The following AKAP6 variants were observed in gnomAD, a reference collection of about 807,000 sequenced individuals.
The protein encoded by AKAP6 is A-kinase anchor protein 6.
AKAP6 carries 58 observed loss-of-function variants against 188.5 expected under a neutral mutation model. That is an observed-to-expected ratio of 0.31 (90% confidence interval 0.25 to 0.38). AKAP6 has a LOEUF of 0.38. Ranked by LOEUF, AKAP6 falls within the 10% of genes least tolerant of loss-of-function variation. The pLI is 1.00. For synonymous variants in AKAP6, 989 were observed against 998.6 expected, an observed-to-expected ratio of 0.99 and a Z score of 0.18; for missense variants, 2,710 against 2,740.0, an observed-to-expected ratio of 0.99 and a Z score of 0.24.
chr14:32,761,561 T>G (rs2032538993), intron 11 of AKAP6, among the ~76,000 whole-genome samples: 1 of 152,098 alleles, frequency 6.6e-6, no homozygotes, highest in South Asian at 2.1e-4. Flanking sequence ...GTTGAGCAAG[T>G]CATGAAACTA....
chr14:32,431,945 C>G (rs1457012026), intron 1 of AKAP6, among the ~76,000 whole-genome samples: 1 of 152,140 alleles, frequency 6.6e-6, no homozygotes, highest in African/African-American at 2.4e-5. Flanking sequence ...GTCAACTCAA[C>G]AAGTCTTTTT....
rs568726293 is a variant in AKAP6 at position 32,618,344 on chromosome 14, G to A, written c.2730+17552G>A. The stretch of plus-strand genomic sequence containing the variant: ...TGTAGTTCTTTTATCCTTCTCCTTC[G>A]TCCTACCCTCCCTGCTTCTGAGTCG... On this transcript the variant is annotated intron_variant, in intron 7 of 13. Coordinates refer to ENST00000280979, the MANE Select transcript of AKAP6 (RefSeq NM_004274.5). Among the ~76,000 whole-genome samples the A allele has an allele frequency of 8.6e-5, 13 of 152,036 alleles. No homozygotes were observed. The South Asian group carries it at 2.1e-3, about 24-fold the overall frequency.
intron 2 of AKAP6, among the ~76,000 whole-genome samples, chr14:32,450,694 A>G (rs2138774406): frequency 6.6e-6 from 1 of 152,274 alleles, no homozygotes; most frequent in African/African-American, 2.4e-5. Context: ...AGAGTAACAG[A>G]TTTGGATGTA....
intron 2 of AKAP6, among the ~76,000 whole-genome samples, chr14:32,529,021 C>T (rs1396037106): frequency 6.6e-6 from 1 of 152,094 alleles, no homozygotes; most frequent in Non-Finnish European, 1.5e-5. Context: ...TATAAAATAA[C>T]TTTCTGGGTT....
rs1447067786 is a variant in AKAP6, at chr14:32,596,546, T to C, written c.2470-2864T>C. Reference sequence around the variant, plus strand: ...ATTCATCTACGTGCTGCTTTAAAGATGCTAAAAAAGACCTGGTGTCATCCA... The same window carrying C: ...ATTCATCTACGTGCTGCTTTAAAGACGCTAAAAAAGACCTGGTGTCATCCA... On this transcript the variant is annotated intron_variant, in intron 5 of 13. Transcript: ENST00000280979. Among the ~76,000 whole-genome samples, 2 of 152,204 alleles carry C rather than the reference T, an allele frequency of 1.3e-5. 1 individual carries two copies. The highest frequency in any genetic ancestry group is 1.3e-4 in the Admixed American group (2 of 15,278).
intron 2 of AKAP6, among the ~76,000 whole-genome samples, chr14:32,483,068 CA>C (rs1879448995): frequency 1.3e-5 from 2 of 151,280 alleles, no homozygotes; most frequent in African/African-American, 2.4e-5. Flanking sequence ...TGTAATCTTA[CA>C]CTAATTTACA....
At chr14:32,457,531 CTT>C (rs1186002971) in intron 2 of AKAP6, among the ~76,000 whole-genome samples, 4 of 152,116 alleles carry the variant, frequency 2.6e-5, no homozygotes, top group Non-Finnish European at 5.9e-5. Context: ...AAAAAAAAAT[CTT>C]AACCTTCTTG....
rs1364207157 is a variant in AKAP6 at position 32,835,009 on chromosome 14, T to C, written c.*5204T>C. 1 of 152,242 alleles carries C rather than the reference T, an allele frequency of 6.6e-6. No individual in the cohort carries two copies. The highest frequency in any genetic ancestry group is 1.9e-4 in the East Asian group (1 of 5,204). 9.4% of individuals were successfully genotyped at this position (152,242 alleles called of 1,614,324 possible). On this transcript the variant is annotated 3_prime_UTR_variant, in exon 14 of 14. Coordinates refer to ENST00000280979, the MANE Select transcript of AKAP6 (RefSeq NM_004274.5). ...AAATCATATGAAATTTAAATTTTGG[T>C]GTCCATGTATAAAGTTTTATTAGAA... is the stretch of plus-strand genomic sequence containing the variant.
chr14:32,787,038 G>A (rs2033443517), intron 12 of AKAP6, among the ~76,000 whole-genome samples: 1 of 152,176 alleles, frequency 6.6e-6, no homozygotes, highest in South Asian at 2.1e-4. Context: ...CACGATAAAT[G>A]GGATGGCCCC....
At chr14:32,379,310 A>G (rs1888267003) in intron 1 of AKAP6, among the ~76,000 whole-genome samples, 1 of 152,222 alleles carries the variant, frequency 6.6e-6, no homozygotes, top group South Asian at 2.1e-4. Context: ...GGAGCAAGGT[A>G]GAAAGCTATT....
chr14:32,546,982 A>T lies in AKAP6; in HGVS notation c.2329A>T (p.Ile777Leu), dbSNP rs187446252. The change falls in exon 4 of 14, where the codon ATA (isoleucine) becomes TTA (leucine). Residue 777 changes from isoleucine to leucine, a missense_variant. Transcript: ENST00000280979. ...DIQHQDNYEA[I>L]WEKIEGFVNK... ...TCAGCACCAAGACAACTATGAAGCC[A>T]TATGGGAAAAAATAGAGGTAAGGTG... The T allele has an allele frequency of 5.3e-5, 84 of 1,594,344 alleles. 1 individual carries two copies. In the Middle Eastern group the frequency reaches 2.8e-3, roughly 54 times the overall value.
intron 12 of AKAP6, among the ~76,000 whole-genome samples, chr14:32,794,558 T>TCAAA (rs575664862): frequency 3.0e-4 from 45 of 152,048 alleles, no homozygotes; most frequent in African/African-American, 5.1e-4. Context: ...AGACTGCATC[T>TCAAA]CAAACAAACA....
intron 4 of AKAP6, among the ~76,000 whole-genome samples, chr14:32,558,301 T>G (rs1345268126): frequency 1.3e-5 from 2 of 152,210 alleles, no homozygotes; most frequent in Non-Finnish European, 2.9e-5. Context: ...TTGTTTTAGG[T>G]CCTGGATGTA....
At chr14:32,405,666 A>G (rs1326695884) in intron 1 of AKAP6, among the ~76,000 whole-genome samples, 1 of 148,242 alleles carries the variant, frequency 6.7e-6, no homozygotes, top group Non-Finnish European at 1.5e-5. Context: ...TAATTGAATC[A>G]TGGGGGCAGT....
intron 1 of AKAP6, among the ~76,000 whole-genome samples, chr14:32,428,585 T>C (rs1890112590): frequency 6.6e-6 from 1 of 152,194 alleles, no homozygotes; most frequent in Non-Finnish European, 1.5e-5. Flanking sequence ...ATAGGCAAGA[T>C]ACCCGGCTTT....
intron 2 of AKAP6, among the ~76,000 whole-genome samples, chr14:32,498,050 G>A (rs17099179): frequency 0.023 from 3,428 of 151,984 alleles, 82 homozygotes; most frequent in South Asian, 0.096. Flanking sequence ...ATACTTATTC[G>A]ATTAATCAAG....
chr14:32,737,934 A>G (rs141030642), intron 11 of AKAP6, among the ~76,000 whole-genome samples: 2 of 152,308 alleles, frequency 1.3e-5, no homozygotes, highest in African/African-American at 4.8e-5. Context: ...GGACAAACCA[A>G]TTGTGGAACA....
intron 1 of AKAP6, among the ~76,000 whole-genome samples, chr14:32,374,853 C>T (rs909070595): frequency 3.9e-5 from 6 of 152,080 alleles, no homozygotes; most frequent in Non-Finnish European, 5.9e-5. Flanking sequence ...CAGTACATTC[C>T]TCTCTAAATA....
chr14:32,609,060 A>T (rs940415849), intron 7 of AKAP6, among the ~76,000 whole-genome samples: 9 of 151,894 alleles, frequency 5.9e-5, no homozygotes, highest in African/African-American at 2.2e-4. Flanking sequence ...GAGCAGGCTG[A>T]GCTGGGAGAG....
Sources: allele counts gnomAD v4.1 joint callset (sites outside exome capture counted in the v4.1 genomes callset), GRCh38; gene constraint gnomAD v4.1.1; transcripts MANE v1.5; gene names NCBI Gene and HGNC (gene_info 2026-07-23, HGNC 2026-07-21).